DPYD: variants seen among roughly 807,000 people sequenced by gnomAD.
DPYD encodes dihydropyrimidine dehydrogenase, also known as dihydropyrimidine dehydrogenase [NADP(+)].
A neutral mutation model predicts 116.2 loss-of-function variants in DPYD; 109 were observed. The ratio of observed to expected loss-of-function variants is 0.94; its 90% CI spans 0.80 to 1.10. DPYD has a LOEUF of 1.10. Ranked by LOEUF, DPYD falls within the 50% of genes least tolerant of loss-of-function variation. DPYD has a pLI of 0.00. For missense variants in DPYD, 1,302 were observed against 1,254.5 expected, an observed-to-expected ratio of 1.04 and a Z score of -0.57; for synonymous variants, 440 against 432.0, an observed-to-expected ratio of 1.02 and a Z score of -0.23.
chr1:97,368,829 T>C (rs1270741731), intron 16 of DPYD, among the ~76,000 whole-genome samples: 1 of 152,230 alleles, frequency 6.6e-6, no homozygotes, highest in Non-Finnish European at 1.5e-5. Context: ...AGAAACAGTG[T>C]CAGAGGAGCC....
chr1:97,515,642 G>T lies in DPYD; in HGVS notation c.1740+84C>A. On this transcript the variant is annotated intron_variant, in intron 13 of 22. Coordinates refer to ENST00000370192, the MANE Select transcript of DPYD (RefSeq NM_000110.4). The stretch of plus-strand genomic sequence containing the variant: ...ATAGTTTAATAAGTAGTATTTCTTA[G>T]TAAAAAAAATCCATTATAATGTTTA... 3 of 1,207,104 alleles carry T rather than the reference G, an allele frequency of 2.5e-6. No homozygotes were observed. The South Asian group carries it at 4.1e-5, about 17-fold the overall frequency. 74.8% of individuals were successfully genotyped at this position (1,207,104 alleles called of 1,614,324 possible). A position where few individuals can be genotyped will look rare whatever the true frequency, so the allele number is the denominator to read the frequency against.
intron 16 of DPYD, among the ~76,000 whole-genome samples, chr1:97,323,833 A>G (rs1668564842): frequency 1.3e-5 from 2 of 151,204 alleles, no homozygotes; most frequent in Non-Finnish European, 2.9e-5. Context: ...TTCCCTTCCT[A>G]TTTGCAGGAA....
In DPYD at chr1:97,699,421, A is replaced by G. The variant is rs1169673568; in HGVS notation, c.610T>C (p.Ser204Pro). 2 of 1,613,742 alleles carry G rather than the reference A, an allele frequency of 1.2e-6. No individual in the cohort carries two copies. ...GAGPASISCA[S>P]FLARLGYSDI... Reference sequence around the variant, plus strand: ...GAGTACCCCAATCGAGCCAAAAAGGAAGCACAACTTATACTTGCAGGCCCA... The same window carrying G: ...GAGTACCCCAATCGAGCCAAAAAGGGAGCACAACTTATACTTGCAGGCCCA... The change falls in exon 6 of 23, where the codon TCC becomes CCC. Residue 204 changes from serine (S) to proline (P), a missense_variant. Physicochemically the swap from Ser to Pro is moderately conservative, Grantham distance 74 (BLOSUM62 -1). Coordinates refer to ENST00000370192, the MANE Select transcript of DPYD (RefSeq NM_000110.4).
At chr1:97,788,847 T>C (rs1433330500) in intron 3 of DPYD, among the ~76,000 whole-genome samples, 2 of 152,190 alleles carry the variant, frequency 1.3e-5, no homozygotes, top group African/African-American at 4.8e-5. Flanking sequence ...AAGCAAACTC[T>C]GGCTCTATGG....
chr1:97,233,488 T>C, intron 19 of DPYD, among the ~76,000 whole-genome samples: 1 of 152,050 alleles, frequency 6.6e-6, no homozygotes, highest in East Asian at 1.9e-4. Flanking sequence ...AGGGTGGACG[T>C]CTAAGATCCC....
chr1:97,206,638 TTATATA>T (rs57893705), intron 19 of DPYD, among the ~76,000 whole-genome samples: 1,772 of 48,842 alleles, frequency 0.036, 56 homozygotes, highest in Non-Finnish European at 0.08. Context: ...CAGGGAGATT[TTATATA>T]TATATATATA....
chr1:97,707,810 G>A (rs1662065998), intron 5 of DPYD, among the ~76,000 whole-genome samples: 1 of 151,946 alleles, frequency 6.6e-6, no homozygotes, highest in African/African-American at 2.4e-5. Flanking sequence ...CTTTCTTGGT[G>A]AGATATCTGC....
At chr1:97,121,959 A>G (rs951658177) in intron 20 of DPYD, among the ~76,000 whole-genome samples, 1 of 152,152 alleles carries the variant, frequency 6.6e-6, no homozygotes, top group Non-Finnish European at 1.5e-5. Flanking sequence ...GTTTACATAC[A>G]TGTTTCAGTC....
chr1:97,590,123 A>G (rs1253158534), intron 10 of DPYD, among the ~76,000 whole-genome samples: 1 of 152,172 alleles, frequency 6.6e-6, no homozygotes, highest in Non-Finnish European at 1.5e-5. Context: ...CTTTTGATGT[A>G]TACAAAACCA....
intron 5 of DPYD, chr1:97,721,025 C>A: frequency 1.4e-6 from 2 of 1,470,756 alleles, no homozygotes; most frequent in South Asian, 2.6e-5. Flanking sequence ...TTCACAAAAT[C>A]TAATGACATT....
intron 14 of DPYD, among the ~76,000 whole-genome samples, chr1:97,406,205 G>A (rs533808947): frequency 1.4e-3 from 219 of 151,392 alleles, no homozygotes; most frequent in African/African-American, 4.9e-3. Context: ...TAACCTTGGC[G>A]TAGCAGTTTT....
intron 22 of DPYD, among the ~76,000 whole-genome samples, chr1:97,079,974 TA>T (rs1649043096): frequency 6.6e-6 from 1 of 152,014 alleles, no homozygotes; most frequent in Admixed American, 6.6e-5. Context: ...GAGTTTTTTT[TA>T]AAAAAAGATA....
At chr1:97,127,365 C>G (rs1161083733) in intron 20 of DPYD, among the ~76,000 whole-genome samples, 1 of 152,038 alleles carries the variant, frequency 6.6e-6, no homozygotes, top group Non-Finnish European at 1.5e-5. Context: ...TTGGAAGTTA[C>G]ATTTTTGTAG....
In DPYD at chr1:97,565,627, C is replaced by G. The variant is rs538888811; in HGVS notation, c.1339+8133G>C. Among the ~76,000 whole-genome samples, 3 of 152,264 alleles carry G rather than the reference C, an allele frequency of 2.0e-5. No homozygotes were observed. The South Asian group carries it at 6.2e-4, about 32-fold the overall frequency. ...TCTCTGTAACAGGAAAACTCCTACT[C>G]AAGCTCTAAAACCCATTCCAAATGT... On this transcript the variant is annotated intron_variant, in intron 11 of 22. Transcript: ENST00000370192.
At chr1:97,329,928 G>C (rs2101154171) in intron 16 of DPYD, among the ~76,000 whole-genome samples, 1 of 151,032 alleles carries the variant, frequency 6.6e-6, no homozygotes, top group South Asian at 2.1e-4. Flanking sequence ...GAAATATTTT[G>C]ATATCTTATT....
chr1:97,647,405 C>A (rs1276066672), intron 8 of DPYD, among the ~76,000 whole-genome samples: 1 of 151,882 alleles, frequency 6.6e-6, no homozygotes, highest in Non-Finnish European at 1.5e-5. Context: ...GTTGAAATAA[C>A]ATGTAGGAGA....
At chr1:97,181,770 T>C (rs762767101) in intron 20 of DPYD, among the ~76,000 whole-genome samples, 2 of 152,190 alleles carry the variant, frequency 1.3e-5, no homozygotes, top group African/African-American at 4.8e-5. Flanking sequence ...TATTCAGTAT[T>C]ATCCCAAATT....
At chr1:97,782,420 T>A (rs1328962307) in intron 3 of DPYD, among the ~76,000 whole-genome samples, 1 of 152,222 alleles carries the variant, frequency 6.6e-6, no homozygotes, top group Non-Finnish European at 1.5e-5. Flanking sequence ...TTGAGCATGT[T>A]CTACAGAAGT....
rs1045985086 is a variant in DPYD at position 97,344,548 on chromosome 1, A to G, written c.2058+29013T>C. On this transcript the variant is annotated intron_variant, in intron 16 of 22. Coordinates refer to ENST00000370192, the MANE Select transcript of DPYD (RefSeq NM_000110.4). ...TAATACATGTATTATTGTTATTTTA[A>G]CATTCAATTTTTTTCTCTTTACATT... Among the ~76,000 whole-genome samples, 4 of 151,866 alleles carry G rather than the reference A, an allele frequency of 2.6e-5. No homozygotes were observed. In the South Asian group the frequency reaches 6.2e-4, roughly 24 times the overall value.
Sources: allele counts gnomAD v4.1 joint callset (sites outside exome capture counted in the v4.1 genomes callset), GRCh38; gene constraint gnomAD v4.1.1; transcripts MANE v1.5; gene names NCBI Gene and HGNC (gene_info 2026-07-23, HGNC 2026-07-21).